The following MAP3K4 variants were observed in gnomAD, a reference collection of about 807,000 sequenced individuals.
The protein encoded by MAP3K4 is mitogen-activated protein kinase kinase kinase 4.
A neutral mutation model predicts 185.6 loss-of-function variants in MAP3K4; 67 were observed. The observed-to-expected ratio is 0.36, with a 90% CI of 0.30 to 0.44. The LOEUF is 0.44. MAP3K4 is among the 20% of genes least tolerant of loss of function. The pLI is 1.00. For synonymous variants in MAP3K4, 702 were observed against 710.4 expected, an observed-to-expected ratio of 0.99 and a Z score of 0.19; for missense variants, 1,551 against 1,995.1, an observed-to-expected ratio of 0.78 and a Z score of 4.24.
intron 4 of MAP3K4, among the ~76,000 whole-genome samples, chr6:161,072,795 A>G (rs1785007927): frequency 6.6e-6 from 1 of 152,180 alleles, no homozygotes; most frequent in Non-Finnish European, 1.5e-5. Context: ...TCTTTTTATT[A>G]ATGGGGAGGG....
chr6:161,010,033 G>T (rs772709596), intron 1 of MAP3K4, among the ~76,000 whole-genome samples: 2 of 152,100 alleles, frequency 1.3e-5, no homozygotes, highest in Non-Finnish European at 2.9e-5. Flanking sequence ...AAATAAAAAA[G>T]AAAAAGCTCT....
In MAP3K4 at chr6:161,070,902, AGGCT is replaced by A. The variant is rs746979210; in HGVS notation, c.1950+53_1950+56del. The A allele has an allele frequency of 9.0e-6, 13 of 1,448,566 alleles. No homozygotes were observed. The highest frequency in any genetic ancestry group is 1.2e-5 in the Non-Finnish European group (13 of 1,090,770). The allele number at this position is 1,448,566 out of a possible 1,614,324, so 89.7% of individuals were successfully genotyped here. ...TTTAGCAATTATTATATTATCCTAC[AGGCT>A]TATCATTTTTATTTTGAGAGTTCCT... On this transcript the variant is annotated intron_variant, in intron 4 of 26. Coordinates refer to ENST00000392142, the MANE Select transcript of MAP3K4 (RefSeq NM_005922.4). This position sits in a 1 kb window ranked among gnomAD's most constrained non-coding sequence, Gnocchi z 4.5.
intron 10 of MAP3K4, among the ~76,000 whole-genome samples, chr6:161,089,093 G>A (rs970362604): frequency 1.8e-4 from 27 of 152,106 alleles, no homozygotes; most frequent in African/African-American, 6.0e-4. Flanking sequence ...AAGATGTCAT[G>A]CCTGCAGTCC....
rs1270160934 is a variant in MAP3K4, at chr6:161,107,022, TTC to T, written c.4048+331_4048+332del. 1.7e-4 allele frequency among the ~76,000 whole-genome samples: 24 copies of T among 141,116 alleles called. No homozygotes were observed. The highest frequency in any genetic ancestry group is 1.9e-4 in the African/African-American group (7 of 37,762). The allele number at this position is 141,116 out of a possible 152,430, so 92.6% of individuals were successfully genotyped here. A position where few individuals can be genotyped will look rare whatever the true frequency, so the allele number is the denominator to read the frequency against. On this transcript the variant is annotated intron_variant, in intron 20 of 26. Coordinates refer to ENST00000392142, the MANE Select transcript of MAP3K4 (RefSeq NM_005922.4). This position sits in a 1 kb window ranked among gnomAD's most constrained non-coding sequence, Gnocchi z 6.2. ...CAAAATTTGACCCATTTGTTCTAGTTTCTCTCTCTCTCTCTACACACGCGCGC... is the reference window on the plus strand; with the variant it reads ...CAAAATTTGACCCATTTGTTCTAGTTTCTCTCTCTCTCTACACACGCGCGC...
At chr6:161,020,879 T>C (rs1335601336) in intron 1 of MAP3K4, among the ~76,000 whole-genome samples, 1 of 152,224 alleles carries the variant, frequency 6.6e-6, no homozygotes, top group Non-Finnish European at 1.5e-5. Context: ...GGTATTTATA[T>C]TGGGAATACA....
chr6:161,016,256 CTTA>C (rs1782105833), intron 1 of MAP3K4, among the ~76,000 whole-genome samples: 1 of 152,020 alleles, frequency 6.6e-6, no homozygotes, highest in Non-Finnish European at 1.5e-5. Context: ...ATATAAGTCT[CTTA>C]TTAGATACAT....
Position 161,116,765 on chromosome 6 carries a change from C to G in MAP3K4, c.4807-85C>G. On this transcript the variant is annotated intron_variant, in intron 26 of 26. Transcript: ENST00000392142. This position sits in a 1 kb window ranked among gnomAD's most constrained non-coding sequence, Gnocchi z 6.2. The stretch of plus-strand genomic sequence containing the variant: ...GGAGCATCAGGATGAGTGGATGGGG[C>G]CTTCCCCGTAAGACTCATACTGCGC... 1.7e-6 allele frequency: 2 copies of G among 1,191,540 alleles called. No individual in the cohort carries two copies. Among genetic ancestry groups the G allele is most frequent in the African/African-American group, 1.5e-5 (1 of 66,740 alleles). The allele number at this position is 1,191,540 out of a possible 1,614,324, so 73.8% of individuals were successfully genotyped here.
chr6:161,073,323 G>A lies in MAP3K4; in HGVS notation c.1951-143G>A. 1 of 680,436 alleles carries A rather than the reference G, an allele frequency of 1.5e-6. No homozygotes were observed. The highest frequency in any genetic ancestry group is 3.1e-5 in the East Asian group (1 of 32,690). The allele number at this position is 680,436 out of a possible 1,614,324, so 42.1% of individuals were successfully genotyped here. On this transcript the variant is annotated intron_variant, in intron 4 of 26. Coordinates refer to ENST00000392142, the MANE Select transcript of MAP3K4 (RefSeq NM_005922.4). This position sits in a 1 kb window ranked among gnomAD's most constrained non-coding sequence, Gnocchi z 4.2. ...CTAAGGTATTTACATAAAATGAACT[G>A]ATCAAGAATCTAGAAACTATTGTAG... is the stretch of plus-strand genomic sequence containing the variant.
chr6:161,081,090 A>AC, intron 6 of MAP3K4, 52 bp downstream of exon 6: 1 of 1,568,232 alleles, frequency 6.4e-7, no homozygotes, highest in Non-Finnish European at 8.7e-7. Flanking sequence ...TCACTCTCAC[A>AC]CCATTTACTC....
At chr6:161,041,131 A>G (rs572549293) in intron 2 of MAP3K4, among the ~76,000 whole-genome samples, 1 of 152,310 alleles carries the variant, frequency 6.6e-6, no homozygotes, top group South Asian at 2.1e-4. Context: ...CCCTGGAAGG[A>G]GGGCCTGGTG....
Position 160,996,955 on chromosome 6 carries a change from G to T in MAP3K4, c.152+4872G>T, listed in dbSNP as rs1399306944. Among the ~76,000 whole-genome samples, 1 of 152,190 alleles carries T rather than the reference G, an allele frequency of 6.6e-6. No homozygotes were observed. Among genetic ancestry groups the T allele is most frequent in the Non-Finnish European group, 1.5e-5 (1 of 68,032 alleles). ...GTGCACCCCTGCTTCTGAATGAGAGGCAGTGTGATCCAGACTTACTCTTAG... is the reference window on the plus strand; with the variant it reads ...GTGCACCCCTGCTTCTGAATGAGAGTCAGTGTGATCCAGACTTACTCTTAG... On this transcript the variant is annotated intron_variant, in intron 1 of 26. Coordinates refer to ENST00000392142, the MANE Select transcript of MAP3K4 (RefSeq NM_005922.4). The surrounding 1 kb of genome is among the most constrained non-coding windows in gnomAD (Gnocchi z 4.5).
intron 25 of MAP3K4, among the ~76,000 whole-genome samples, chr6:161,113,037 A>G (rs138369500): frequency 7.4e-4 from 113 of 152,362 alleles, no homozygotes; most frequent in African/African-American, 2.5e-3. Context: ...GGAAGCAAGC[A>G]GTTACAAAAA....
rs9689684 is a variant in MAP3K4, at chr6:161,106,362, A to T, written c.3857-152A>T. The T allele has an allele frequency of 1.8e-6, 1 of 560,556 alleles. No individual in the cohort carries two copies. The highest frequency in any genetic ancestry group is 3.1e-5 in the South Asian group (1 of 32,528). 34.7% of individuals were successfully genotyped at this position (560,556 alleles called of 1,614,324 possible). On this transcript the variant is annotated intron_variant, in intron 19 of 26. Transcript: ENST00000392142. The surrounding 1 kb of genome is among the most constrained non-coding windows in gnomAD (Gnocchi z 4.9). ...ATGCTGGAATGAGTAGCGTTTGAAG[A>T]ACTTTAATTCACCTGCTGTTTATCT...
At chr6:161,032,863 G>T (rs566674598) in intron 1 of MAP3K4, among the ~76,000 whole-genome samples, 1 of 151,158 alleles carries the variant, frequency 6.6e-6, no homozygotes, top group Non-Finnish European at 1.5e-5. Flanking sequence ...CATTTAACTC[G>T]CATGTCTTGT....
Position 161,087,617 on chromosome 6 carries a change from A to T in MAP3K4, c.2557-71A>T. The T allele has an allele frequency of 3.3e-6, 5 of 1,522,328 alleles. No homozygotes were observed. The highest frequency in any genetic ancestry group is 2.1e-4 in the Middle Eastern group (1 of 4,678). The allele number at this position is 1,522,328 out of a possible 1,614,324, so 94.3% of individuals were successfully genotyped here. A position where few individuals can be genotyped will look rare whatever the true frequency, so the allele number is the denominator to read the frequency against. On this transcript the variant is annotated intron_variant, in intron 9 of 26. Coordinates refer to ENST00000392142, the MANE Select transcript of MAP3K4 (RefSeq NM_005922.4). The surrounding 1 kb of genome is among the most constrained non-coding windows in gnomAD (Gnocchi z 4.9). ...TTCCCAAACCTGCCTCTCCTTTCCT[A>T]GGTTTGTTTTAAATAACCTATTTCT...
intron 1 of MAP3K4, among the ~76,000 whole-genome samples, chr6:161,015,128 G>A (rs1782030211): frequency 6.6e-6 from 1 of 152,174 alleles, no homozygotes; most frequent in Non-Finnish European, 1.5e-5. Context: ...TCTTTAATGT[G>A]TATCTTTGTC....
In MAP3K4 at chr6:161,098,435, C is replaced by T. The variant is rs763325590; in HGVS notation, c.3674+8C>T. 19 of 1,611,464 alleles carry T rather than the reference C, an allele frequency of 1.2e-5. No homozygotes were observed. The highest frequency in any genetic ancestry group is 3.3e-4 in the Middle Eastern group (2 of 6,052). The stretch of plus-strand genomic sequence containing the variant: ...CAGTGCCCATGATACCAGGTAGTCT[C>T]ACCCCACCAGTGTCCCGTACCCTCA... On this transcript the variant is annotated splice_region_variant and intron_variant, in intron 17 of 26. Transcript: ENST00000392142. The surrounding 1 kb of genome is among the most constrained non-coding windows in gnomAD (Gnocchi z 4.4).
rs200966904 is a variant in MAP3K4, at chr6:161,064,454, CT to C, written c.1708-6143del. Among the ~76,000 whole-genome samples the C allele has an allele frequency of 2.2e-3, 311 of 142,932 alleles. No individual in the cohort carries two copies. The highest frequency in any genetic ancestry group is 3.4e-3 in the East Asian group (17 of 4,998). 93.8% of individuals were successfully genotyped at this position (142,932 alleles called of 152,430 possible). ...ATTTTCCAACTTCTTAAACTGCTGC[CT>C]TTTTTTTTTTACATTAAATTCTAGA... On this transcript the variant is annotated intron_variant, in intron 3 of 26. Coordinates refer to ENST00000392142, the MANE Select transcript of MAP3K4 (RefSeq NM_005922.4). This position sits in a 1 kb window ranked among gnomAD's most constrained non-coding sequence, Gnocchi z 4.3.
At position 161,075,571 on chromosome 6, in the gene MAP3K4, A is replaced by G. The variant is rs1048496554; in HGVS notation, c.2097+1959A>G. On this transcript the variant is annotated intron_variant, in intron 5 of 26. Coordinates refer to ENST00000392142, the MANE Select transcript of MAP3K4 (RefSeq NM_005922.4). The surrounding 1 kb of genome is among the most constrained non-coding windows in gnomAD (Gnocchi z 4.3). ...GTAACTAAACCAGAAGTTTAAGAAG[A>G]CAGAATATGCTTTGCTTCGTAAACT... 6.6e-6 allele frequency among the ~76,000 whole-genome samples: 1 copy of G among 152,238 alleles called. No homozygotes were observed. The highest frequency in any genetic ancestry group is 2.4e-5 in the African/African-American group (1 of 41,452).
Sources: allele counts gnomAD v4.1 joint callset (sites outside exome capture counted in the v4.1 genomes callset), GRCh38; gene constraint gnomAD v4.1.1; non-coding constraint Gnocchi (gnomAD v3.1); transcripts MANE v1.5; gene names NCBI Gene and HGNC (gene_info 2026-07-23, HGNC 2026-07-21).